FAF1: variants seen among roughly 807,000 people sequenced by gnomAD.
The protein encoded by FAF1 is Fas associated factor 1, also known as FAS-associated factor 1.
Under a neutral mutation model 92.5 loss-of-function variants are expected in FAF1, and 25 were observed. The ratio of observed to expected loss-of-function variants is 0.27; its 90% CI spans 0.20 to 0.38. The LOEUF is 0.38. FAF1 is among the 10% of genes least tolerant of loss of function. FAF1 has a pLI of 1.00. For synonymous variants in FAF1, 234 were observed against 273.2 expected (o/e 0.86, Z 1.42); for missense variants, 636 against 793.3 (o/e 0.80, Z 2.38).
intron 6 of FAF1, among the ~76,000 whole-genome samples, chr1:50,716,492 TTC>T (rs1289953489): frequency 6.6e-6 from 1 of 152,196 alleles, no homozygotes; most frequent in Non-Finnish European, 1.5e-5. Flanking sequence ...TGGAGAACTT[TTC>T]TGTCTAGCTA....
intron 18 of FAF1, among the ~76,000 whole-genome samples, chr1:50,448,081 T>C (rs1025055525): frequency 1.3e-5 from 2 of 152,228 alleles, no homozygotes; most frequent in Non-Finnish European, 2.9e-5. Context: ...TCAAATCTCT[T>C]AGCCAAGTCA....
intron 18 of FAF1, among the ~76,000 whole-genome samples, chr1:50,466,634 A>G (rs1646499786): frequency 2.0e-5 from 3 of 152,222 alleles, no homozygotes. Context: ...TAAATTATGG[A>G]ATAATGTATG....
chr1:50,573,817 CAAA>C (rs199900774), intron 12 of FAF1, among the ~76,000 whole-genome samples: 3 of 131,994 alleles, frequency 2.3e-5, no homozygotes, highest in East Asian at 2.5e-4. Flanking sequence ...GGGTTAAAAA[CAAA>C]AAAAAAAAAA....
chr1:50,725,981 G>A (rs368780164), intron 6 of FAF1, among the ~76,000 whole-genome samples: 3 of 152,118 alleles, frequency 2.0e-5, no homozygotes, highest in Non-Finnish European at 4.4e-5. Context: ...GGGGCCAGGC[G>A]CAGTGCCTCA....
intron 6 of FAF1, among the ~76,000 whole-genome samples, chr1:50,724,306 C>T (rs377459611): frequency 8.9e-5 from 13 of 145,308 alleles, no homozygotes; most frequent in South Asian, 4.4e-4. Context: ...TACACACACA[C>T]ACACACACAC....
chr1:50,488,460 C>T (rs1646791743), intron 17 of FAF1, among the ~76,000 whole-genome samples: 1 of 152,172 alleles, frequency 6.6e-6, no homozygotes, highest in Non-Finnish European at 1.5e-5. Context: ...GTTGACGATA[C>T]ACTAATACAC....
intron 9 of FAF1, among the ~76,000 whole-genome samples, chr1:50,592,862 C>T (rs1446018930): frequency 1.3e-5 from 2 of 151,374 alleles, no homozygotes; most frequent in African/African-American, 2.4e-5. Flanking sequence ...TGCTTGAACC[C>T]GTGGGGAGAA....
chr1:50,781,303 A>AG (rs1661169075), intron 4 of FAF1, among the ~76,000 whole-genome samples: 1 of 151,218 alleles, frequency 6.6e-6, no homozygotes, highest in African/African-American at 2.5e-5. Flanking sequence ...CACTTCAAAA[A>AG]GAAAAAAAAA....
intron 8 of FAF1, among the ~76,000 whole-genome samples, chr1:50,652,855 T>C (rs72900938): frequency 0.066 from 10,053 of 152,290 alleles, 413 homozygotes; most frequent in East Asian, 0.093. Context: ...TTAATTATAA[T>C]GTCGACTCAT....
intron 18 of FAF1, among the ~76,000 whole-genome samples, chr1:50,452,775 G>A (rs746491627): frequency 1.3e-5 from 2 of 152,150 alleles, no homozygotes; most frequent in Non-Finnish European, 2.9e-5. Context: ...TAATTAGGGA[G>A]GCAGTAAAAA....
intron 14 of FAF1, 87 bp downstream of exon 14, chr1:50,539,505 A>G: frequency 1.2e-6 from 1 of 865,162 alleles, no homozygotes; most frequent in Non-Finnish European, 1.7e-6. Flanking sequence ...GATATTTACT[A>G]ATAGAAATAT....
At chr1:50,642,411 G>A (rs1258772100) in intron 8 of FAF1, among the ~76,000 whole-genome samples, 1 of 151,988 alleles carries the variant, frequency 6.6e-6, no homozygotes, top group East Asian at 2.0e-4. Context: ...AGCACTTTGG[G>A]AGGCCGACGC....
intron 13 of FAF1, among the ~76,000 whole-genome samples, chr1:50,547,417 ATT>A (rs34513367): frequency 6.8e-6 from 1 of 146,168 alleles, no homozygotes; most frequent in Non-Finnish European, 1.5e-5. Flanking sequence ...AAGCCACGTA[ATT>A]TTTTTTTTTT....
chr1:50,918,171 TTTC>T (rs1035974929), intron 1 of FAF1, among the ~76,000 whole-genome samples: 2 of 149,958 alleles, frequency 1.3e-5, no homozygotes, highest in Non-Finnish European at 3.0e-5. Context: ...TGAATGTAAA[TTTC>T]TTTTTTTTTT....
Position 50,718,680 on chromosome 1 carries a change from ATTTT to A in FAF1, c.552-12793_552-12790del, listed in dbSNP as rs1266468497. ...AAAGACTTTATTTGAGATTACTGTG[ATTTT>A]TTTAATTATAAAAATGTAATAATTT... is the stretch of plus-strand genomic sequence containing the variant. On this transcript the variant is annotated intron_variant, in intron 6 of 18. Transcript: ENST00000396153. 6.6e-5 allele frequency among the ~76,000 whole-genome samples: 10 copies of A among 152,284 alleles called. No homozygotes were observed. The East Asian group carries it at 1.9e-3, about 29-fold the overall frequency.
chr1:50,498,653 C>T (rs542337821), intron 15 of FAF1, among the ~76,000 whole-genome samples: 3 of 152,122 alleles, frequency 2.0e-5, no homozygotes, highest in Non-Finnish European at 2.9e-5. Flanking sequence ...AGTTCGAGAC[C>T]AGCCTGACCA....
At chr1:50,513,672 C>T (rs995546953) in intron 15 of FAF1, among the ~76,000 whole-genome samples, 9 of 152,164 alleles carry the variant, frequency 5.9e-5, no homozygotes, top group Non-Finnish European at 1.3e-4. Context: ...GAATATCCTC[C>T]TACCTATATT....
chr1:50,746,415 T>C (rs1659627351), intron 4 of FAF1, among the ~76,000 whole-genome samples: 1 of 146,804 alleles, frequency 6.8e-6, no homozygotes, highest in Admixed American at 6.9e-5. Flanking sequence ...GCAATTCTCC[T>C]GCCTCAGCCT....
chr1:50,532,650 T>C (rs1028794655), intron 15 of FAF1, among the ~76,000 whole-genome samples: 7 of 152,128 alleles, frequency 4.6e-5, no homozygotes, highest in African/African-American at 7.2e-5. Context: ...AAATGAAACA[T>C]TGACTATTAA....
Sources: allele counts gnomAD v4.1 joint callset (sites outside exome capture counted in the v4.1 genomes callset), GRCh38; gene constraint gnomAD v4.1.1; transcripts MANE v1.5; gene names NCBI Gene and HGNC (gene_info 2026-07-23, HGNC 2026-07-21).